LGR4: variants seen among roughly 807,000 people sequenced by gnomAD.
LGR4 encodes the protein leucine-rich repeat-containing G protein-coupled receptor 4.
In LGR4, 44 loss-of-function variants were observed where a neutral mutation model predicts 84.8. The ratio of observed to expected loss-of-function variants is 0.52; its 90% CI spans 0.41 to 0.67. The LOEUF (loss-of-function observed/expected upper bound fraction) is 0.67. Among genes scored for constraint, LGR4 ranks in the 30% least tolerant of loss-of-function variants. The pLI is 0.00. For missense variants in LGR4, 1,032 were observed against 1,131.4 expected (o/e 0.91, Z 1.26); for synonymous variants, 429 against 434.3 (o/e 0.99, Z 0.15).
chr11:27,372,419 A>T (rs767714176), intron 15 of LGR4, 21 bp from the exon 16 acceptor site: 2 of 1,351,464 alleles, frequency 1.5e-6, no homozygotes, highest in Non-Finnish European at 2.1e-6. Flanking sequence ...AAGTTGTAAA[A>T]TCTACACTGA....
chr11:27,447,482 G>C (rs1034542731), intron 1 of LGR4, among the ~76,000 whole-genome samples: 9 of 152,104 alleles, frequency 5.9e-5, no homozygotes, highest in Middle Eastern at 3.2e-3. Context: ...GGTCTGAAAG[G>C]GGGAAGAACC....
At chr11:27,381,171 T>C (rs1230426687) in intron 7 of LGR4, among the ~76,000 whole-genome samples, 1 of 152,234 alleles carries the variant, frequency 6.6e-6, no homozygotes, top group Non-Finnish European at 1.5e-5. Context: ...ACTGCTTAGC[T>C]TGGTATCTAT....
intron 1 of LGR4, among the ~76,000 whole-genome samples, chr11:27,443,777 T>TC (rs1864340933): frequency 6.6e-6 from 1 of 152,140 alleles, no homozygotes. Flanking sequence ...CATCACAACA[T>TC]CCTTGTGGTA....
chr11:27,446,618 A>T (rs1403255587), intron 1 of LGR4, among the ~76,000 whole-genome samples: 1 of 152,218 alleles, frequency 6.6e-6, no homozygotes, highest in African/African-American at 2.4e-5. Flanking sequence ...ATTGTGGAGG[A>T]CAATGTGGTG....
At chr11:27,408,637 A>C (rs927763714) in intron 2 of LGR4, among the ~76,000 whole-genome samples, 1 of 152,158 alleles carries the variant, frequency 6.6e-6, no homozygotes, top group African/African-American at 2.4e-5. Context: ...ACAACGTCAC[A>C]TCAGGCAGCA....
In LGR4 at chr11:27,472,146, C is replaced by A. The variant is rs1293522352; in HGVS notation, c.157G>T (p.Glu53Ter). ...GCTTGGGTGAAGGCGCTGAGCCCCT[C>A]GGGCACGGCCGTCAGCCCCTTCCCG... ...CSGKGLTAVP[E>*]GLSAFTQALD... The change falls in exon 1 of 18, where the codon GAG (glutamate) becomes TAG (stop). Residue 53 changes from glutamate to a stop codon, truncating the protein, a stop_gained. Coordinates refer to ENST00000379214, the MANE Select transcript of LGR4 (RefSeq NM_018490.5). LOFTEE classifies it high-confidence loss of function. The A allele has an allele frequency of 7.4e-7, 1 of 1,345,488 alleles. No individual in the cohort carries two copies. The highest frequency in any genetic ancestry group is 3.0e-5 in the Admixed American group (1 of 33,494). The allele number at this position is 1,345,488 out of a possible 1,614,324, so 83.3% of individuals were successfully genotyped here.
rs913412870 is a variant in LGR4 at position 27,394,469 on chromosome 11, C to T, written c.258-1951G>A. Among the ~76,000 whole-genome samples, 10 of 152,276 alleles carry T rather than the reference C, an allele frequency of 6.6e-5. No homozygotes were observed. In the East Asian group the frequency reaches 7.7e-4, roughly 12 times the overall value. On this transcript the variant is annotated intron_variant, in intron 2 of 17. Transcript: ENST00000379214. Reference sequence around the variant, plus strand: ...CCAGGCTGGAGTGCAGTGGTGCAATCTCAGCTCACTGCAATCTCTGCCTCC... The same window carrying T: ...CCAGGCTGGAGTGCAGTGGTGCAATTTCAGCTCACTGCAATCTCTGCCTCC...
chr11:27,420,686 C>G (rs1863910744), intron 1 of LGR4, among the ~76,000 whole-genome samples: 1 of 151,934 alleles, frequency 6.6e-6, no homozygotes, highest in Non-Finnish European at 1.5e-5. Flanking sequence ...TGTATATGGT[C>G]ATAATGTAAT....
At chr11:27,376,969 G>A (rs1438499479) in intron 12 of LGR4, among the ~76,000 whole-genome samples, 189 bp downstream of exon 12, 5 of 152,162 alleles carry the variant, frequency 3.3e-5, no homozygotes. Context: ...TGGGATGCCT[G>A]ATAGCTAAGT....
At chr11:27,417,311 C>T (rs1863839250) in intron 1 of LGR4, among the ~76,000 whole-genome samples, 1 of 151,866 alleles carries the variant, frequency 6.6e-6, no homozygotes. Context: ...TGATAATGAC[C>T]AAGAATGTCA....
At chr11:27,411,729 T>C (rs552929827) in intron 2 of LGR4, among the ~76,000 whole-genome samples, 117 of 152,252 alleles carry the variant, frequency 7.7e-4, no homozygotes, top group African/African-American at 2.8e-3. Flanking sequence ...AGCATTATGT[T>C]TGACTAAGTA....
Position 27,372,339 on chromosome 11 carries a change from G to C in LGR4, c.1439C>G (p.Ala480Gly), listed in dbSNP as rs12284579. Reference protein sequence around the residue: ...CCAFWGCDSYANLNTEDNSLQ... With the variant: ...CCAFWGCDSYGNLNTEDNSLQ... ...GCTGTTATCTTCTGTGTTTAAATTT[G>C]CATAAGAGTCACAACCCCAAAATGC... The change falls in exon 16 of 18, where the codon GCA becomes GGA. Residue 480 changes from alanine (A) to glycine (G), a missense_variant. Coordinates refer to ENST00000379214, the MANE Select transcript of LGR4 (RefSeq NM_018490.5). 5 of 1,613,568 alleles carry C rather than the reference G, an allele frequency of 3.1e-6. No homozygotes were observed. Among genetic ancestry groups the C allele is most frequent in the Non-Finnish European group, 4.2e-6 (5 of 1,179,718 alleles).
chr11:27,458,495 G>T (rs922867969), intron 1 of LGR4, among the ~76,000 whole-genome samples: 3 of 151,742 alleles, frequency 2.0e-5, no homozygotes, highest in Admixed American at 1.3e-4. Flanking sequence ...GCTTGGGGGA[G>T]TTTTCTCTAT....
intron 2 of LGR4, among the ~76,000 whole-genome samples, chr11:27,396,244 A>G (rs1402701555): frequency 6.6e-6 from 1 of 152,214 alleles, no homozygotes; most frequent in Non-Finnish European, 1.5e-5. Flanking sequence ...TAATTCACAG[A>G]AAAGGTGGGG....
At chr11:27,390,106 T>A (rs1272812625) in intron 4 of LGR4, among the ~76,000 whole-genome samples, 1 of 152,188 alleles carries the variant, frequency 6.6e-6, no homozygotes, top group Admixed American at 6.6e-5. Flanking sequence ...ATATCTAATC[T>A]AAAATCAAAT....
intron 11 of LGR4, among the ~76,000 whole-genome samples, chr11:27,378,040 T>C (rs1407215912): frequency 1.3e-5 from 2 of 152,154 alleles, no homozygotes; most frequent in Admixed American, 1.3e-4. Flanking sequence ...CCCAGGTGTG[T>C]AGAAGAAACC....
intron 1 of LGR4, among the ~76,000 whole-genome samples, chr11:27,458,648 A>G (rs181373494): frequency 3.3e-5 from 5 of 151,070 alleles, no homozygotes; most frequent in Admixed American, 2.6e-4. Context: ...AAGCAATTCT[A>G]CTCTCTCAGC....
chr11:27,427,794 C>T (rs2133416926), intron 1 of LGR4, among the ~76,000 whole-genome samples: 1 of 152,322 alleles, frequency 6.6e-6, no homozygotes, highest in Non-Finnish European at 1.5e-5. Context: ...CAGGAAGTTA[C>T]ACCGAATTCC....
chr11:27,401,951 G>A (rs1206722360), intron 2 of LGR4, among the ~76,000 whole-genome samples: 2 of 152,146 alleles, frequency 1.3e-5, no homozygotes, highest in Non-Finnish European at 2.9e-5. Flanking sequence ...AGTGCAAGAG[G>A]GGCTTGGAAA....
Sources: gnomAD v4.1 joint callset for allele counts (sites outside exome capture counted in the v4.1 genomes callset) on GRCh38, gnomAD v4.1.1 for gene constraint, MANE v1.5 for transcripts, NCBI Gene and HGNC (gene_info 2026-07-23, HGNC 2026-07-21) for gene names.